Variants in NKAIN2 observed in about 807,000 individuals in gnomAD.
NKAIN2 encodes the protein sodium/potassium-transporting ATPase subunit beta-1-interacting protein 2.
NKAIN2 carries 14 observed loss-of-function variants against 32.6 expected under a neutral mutation model. The observed-to-expected ratio is 0.43, with a 90% CI of 0.28 to 0.67. The LOEUF (loss-of-function observed/expected upper bound fraction) is 0.67, where lower values mean the gene tolerates loss of function less well. Among genes scored for constraint, NKAIN2 ranks in the 30% least tolerant of loss-of-function variants. The probability of loss-of-function intolerance (pLI) is 0.17; values close to 1 mark genes in which losing one functional copy is unlikely to be tolerated. For missense variants in NKAIN2, 198 were observed against 258.3 expected (o/e 0.77, Z 1.60); for synonymous variants, 80 against 87.2 (o/e 0.92, Z 0.46).
rs374775983 is a variant in NKAIN2 at position 123,985,227 on chromosome 6, C to T, written c.54+180973C>T. On this transcript the variant is annotated intron_variant, in intron 1 of 6. Transcript: ENST00000368417. ...CCAGCTGGCCAACATGATGAAACCCCGTTTCTACTAAAAACACGTAAAATT... is the reference window on the plus strand; with the variant it reads ...CCAGCTGGCCAACATGATGAAACCCTGTTTCTACTAAAAACACGTAAAATT... Among the ~76,000 whole-genome samples, 17 of 152,172 alleles carry T rather than the reference C, an allele frequency of 1.1e-4. No homozygotes were observed. The East Asian group carries it at 1.4e-3, about 12-fold the overall frequency.
At chr6:124,821,558 C>A (rs1781396159) in intron 6 of NKAIN2, among the ~76,000 whole-genome samples, 1 of 151,862 alleles carries the variant, frequency 6.6e-6, no homozygotes, top group Non-Finnish European at 1.5e-5. Context: ...ATATCTTTGT[C>A]CAGAATTAAA....
chr6:124,469,714 G>C (rs1346683861), intron 3 of NKAIN2, among the ~76,000 whole-genome samples: 4 of 152,078 alleles, frequency 2.6e-5, no homozygotes, highest in African/African-American at 9.7e-5. Flanking sequence ...CTCATATATT[G>C]ATCAGTTTCA....
At chr6:124,040,723 T>C (rs1781831623) in intron 1 of NKAIN2, among the ~76,000 whole-genome samples, 1 of 152,012 alleles carries the variant, frequency 6.6e-6, no homozygotes, top group Non-Finnish European at 1.5e-5. Flanking sequence ...TGCATGTGGC[T>C]CTTCTTGCAT....
intron 1 of NKAIN2, among the ~76,000 whole-genome samples, chr6:124,102,481 G>T (rs1784934090): frequency 1.3e-5 from 2 of 152,208 alleles, no homozygotes; most frequent in Non-Finnish European, 2.9e-5. Flanking sequence ...TGGAGGTGGG[G>T]TGACATTCTG....
intron 3 of NKAIN2, among the ~76,000 whole-genome samples, chr6:124,536,375 T>C (rs951625287): frequency 6.6e-6 from 1 of 152,062 alleles, no homozygotes; most frequent in Admixed American, 6.5e-5. Context: ...AGAACCTCTA[T>C]CTGGTCTCAT....
chr6:124,395,269 T>C (rs550071831), intron 3 of NKAIN2, among the ~76,000 whole-genome samples: 2 of 152,266 alleles, frequency 1.3e-5, no homozygotes, highest in East Asian at 3.9e-4. Context: ...ATCCAAGTCA[T>C]AGGTGATTCC....
chr6:124,813,674 A>G (rs980435809), intron 5 of NKAIN2, among the ~76,000 whole-genome samples: 2 of 152,180 alleles, frequency 1.3e-5, no homozygotes, highest in African/African-American at 4.8e-5. Context: ...GATTTGTAAA[A>G]TTAAGATAAT....
intron 1 of NKAIN2, among the ~76,000 whole-genome samples, chr6:123,951,500 A>G (rs1562274500): frequency 1.3e-5 from 2 of 151,976 alleles, no homozygotes; most frequent in East Asian, 3.9e-4. Flanking sequence ...TCCCTTTATC[A>G]CTATATAATG....
At chr6:123,811,342 A>G (rs1562193749) in intron 1 of NKAIN2, among the ~76,000 whole-genome samples, 1 of 147,378 alleles carries the variant, frequency 6.8e-6, no homozygotes, top group Non-Finnish European at 1.5e-5. Context: ...TAATGCTAGA[A>G]CAGAATTGGA....
At chr6:124,791,243 T>C in intron 4 of NKAIN2, 96 bp from the exon 5 acceptor site, 1 of 801,264 alleles carries the variant, frequency 1.2e-6, no homozygotes, top group Admixed American at 1.8e-5. Flanking sequence ...GCCCTAAGTC[T>C]GGTTGTAAAC....
intron 1 of NKAIN2, among the ~76,000 whole-genome samples, chr6:124,098,763 G>A (rs1044091433): frequency 2.0e-5 from 3 of 151,912 alleles, no homozygotes; most frequent in Non-Finnish European, 2.9e-5. Flanking sequence ...CCAGCTACAC[G>A]GGAGGCTGAG....
chr6:124,813,008 A>C (rs1372884253), intron 5 of NKAIN2, among the ~76,000 whole-genome samples: 1 of 130,664 alleles, frequency 7.7e-6, no homozygotes, highest in Admixed American at 7.5e-5. Flanking sequence ...GCATGAAAGA[A>C]AACATCTCTC....
chr6:124,253,727 A>G (rs1038839260), intron 1 of NKAIN2, among the ~76,000 whole-genome samples: 2 of 150,782 alleles, frequency 1.3e-5, no homozygotes, highest in African/African-American at 4.9e-5. Flanking sequence ...CATACCTGTT[A>G]TTTTCCCACT....
chr6:124,476,968 T>C (rs1019282638), intron 3 of NKAIN2, among the ~76,000 whole-genome samples: 1 of 152,168 alleles, frequency 6.6e-6, no homozygotes, highest in African/African-American at 2.4e-5. Flanking sequence ...TTAATCAAAG[T>C]GTCACCCTTT....
intron 1 of NKAIN2, among the ~76,000 whole-genome samples, chr6:124,033,729 G>C (rs1263023683): frequency 1.3e-5 from 2 of 152,126 alleles, no homozygotes; most frequent in Non-Finnish European, 2.9e-5. Flanking sequence ...AATGCTGGCA[G>C]GTTGTCAGGG....
chr6:124,791,430 C>G (rs760662189), intron 5 of NKAIN2, 31 bp downstream of exon 5: 1 of 1,491,726 alleles, frequency 6.7e-7, no homozygotes, highest in South Asian at 1.2e-5. Flanking sequence ...CTGTTTCTTT[C>G]AAGTTCAAAG....
intron 1 of NKAIN2, among the ~76,000 whole-genome samples, chr6:124,014,069 A>G (rs1325497732): frequency 2.0e-5 from 3 of 152,200 alleles, no homozygotes. Flanking sequence ...CAGCAACAGG[A>G]AACTAATGTA....
At chr6:124,518,827 C>T (rs188990922) in intron 3 of NKAIN2, among the ~76,000 whole-genome samples, 1 of 152,244 alleles carries the variant, frequency 6.6e-6, no homozygotes, top group East Asian at 1.9e-4. Flanking sequence ...GCAAGAGGAA[C>T]AAATTGAAGG....
chr6:124,676,653 G>C (rs944196928), intron 4 of NKAIN2, among the ~76,000 whole-genome samples: 2 of 151,968 alleles, frequency 1.3e-5, no homozygotes, highest in Non-Finnish European at 1.5e-5. Flanking sequence ...AGCCTAGAAT[G>C]CAGTGGCACA....
Sources: gnomAD v4.1 joint callset for allele counts (sites outside exome capture counted in the v4.1 genomes callset) on GRCh38, gnomAD v4.1.1 for gene constraint, MANE v1.5 for transcripts, NCBI Gene and HGNC (gene_info 2026-07-23, HGNC 2026-07-21) for gene names.